Variants in TRPS1 observed in about 807,000 individuals in gnomAD.
TRPS1 encodes transcriptional repressor GATA binding 1.
TRPS1 carries 6 observed loss-of-function variants against 101.2 expected under a neutral mutation model. The observed-to-expected ratio is 0.06, with a 90% CI of 0.03 to 0.12. The LOEUF is 0.12. TRPS1 is among the 10% of genes least tolerant of loss of function. The pLI is 1.00. For synonymous variants in TRPS1, 578 were observed against 589.8 expected, an observed-to-expected ratio of 0.98 and a Z score of 0.29; for missense variants, 1,363 against 1,567.0, an observed-to-expected ratio of 0.87 and a Z score of 2.20.
intron 1 of TRPS1, among the ~76,000 whole-genome samples, chr8:115,663,268 G>A (rs1489512586): frequency 2.0e-5 from 3 of 149,600 alleles, no homozygotes; most frequent in African/African-American, 4.9e-5. Context: ...TTTTTTAAAT[G>A]GCATTTTGGC....
chr8:115,658,752 C>T lies in TRPS1; in HGVS notation c.-122+9793G>A, dbSNP rs375837705. The stretch of plus-strand genomic sequence containing the variant: ...TAAATGTACACAAATACATGTAACA[C>T]TAAATACAAATATGTGTAACACTAA... On this transcript the variant is annotated intron_variant, in intron 1 of 6. Coordinates refer to ENST00000395715, the MANE Select transcript of TRPS1 (RefSeq NM_014112.5). Among the ~76,000 whole-genome samples the T allele has an allele frequency of 3.3e-5, 5 of 152,004 alleles. No homozygotes were observed. In the East Asian group the frequency reaches 7.7e-4, roughly 24 times the overall value.
chr8:115,531,266 C>A (rs1816124824), intron 5 of TRPS1, among the ~76,000 whole-genome samples: 1 of 152,072 alleles, frequency 6.6e-6, no homozygotes, highest in Non-Finnish European at 1.5e-5. Flanking sequence ...GGCTTCCTGA[C>A]AATATTAAAC....
chr8:115,510,980 T>C (rs140448700), intron 5 of TRPS1: 66 of 152,110 alleles, frequency 4.3e-4, no homozygotes, highest in Non-Finnish European at 8.1e-4. Context: ...ATTAGTCTTA[T>C]AGTAGTTTGT....
intron 5 of TRPS1, among the ~76,000 whole-genome samples, chr8:115,540,836 T>C (rs1297110065): frequency 1.3e-5 from 2 of 151,880 alleles, no homozygotes; most frequent in Non-Finnish European, 2.9e-5. Context: ...AATATATATC[T>C]AATATATACC....
chr8:115,627,994 T>C (rs1818548666), intron 1 of TRPS1, among the ~76,000 whole-genome samples: 1 of 151,832 alleles, frequency 6.6e-6, no homozygotes, highest in East Asian at 1.9e-4. Context: ...GTATTAAAAG[T>C]GCCAAATTTA....
chr8:115,629,574 A>T (rs573113651), intron 1 of TRPS1, among the ~76,000 whole-genome samples: 1 of 152,046 alleles, frequency 6.6e-6, no homozygotes, highest in Admixed American at 6.6e-5. Flanking sequence ...TACCGTGATC[A>T]GTTTAAAACC....
intron 5 of TRPS1, among the ~76,000 whole-genome samples, chr8:115,487,523 A>C (rs1198856660): frequency 6.6e-6 from 1 of 152,208 alleles, no homozygotes; most frequent in African/African-American, 2.4e-5. Context: ...CCTTCAAAAA[A>C]GGATTCACCA....
At chr8:115,416,943 T>C (rs1202259323) in intron 6 of TRPS1, among the ~76,000 whole-genome samples, 1 of 152,202 alleles carries the variant, frequency 6.6e-6, no homozygotes, top group Non-Finnish European at 1.5e-5. Flanking sequence ...TTTTAAACTG[T>C]CATAACTTTT....
Position 115,436,929 on chromosome 8 carries a change from T to TA in TRPS1, c.2701-18478dup, listed in dbSNP as rs200253060. ...GTACCAGAAGTAAAGCAGTAAAAAA[T>TA]AAAAAAAAAGTCAATACATTTCATA... is the stretch of plus-strand genomic sequence containing the variant. On this transcript the variant is annotated intron_variant, in intron 5 of 6. Transcript: ENST00000395715. Among the ~76,000 whole-genome samples, 148 of 136,616 alleles carry TA rather than the reference T, an allele frequency of 1.1e-3. 2 individuals carry two copies. Among genetic ancestry groups the TA allele is most frequent in the Admixed American group, 9.5e-3 (132 of 13,876 alleles). 89.6% of individuals were successfully genotyped at this position (136,616 alleles called of 152,430 possible).
intron 5 of TRPS1, among the ~76,000 whole-genome samples, chr8:115,553,983 A>T (rs1816759902): frequency 6.6e-6 from 1 of 152,182 alleles, no homozygotes; most frequent in South Asian, 2.1e-4. Context: ...GTCTTTATTA[A>T]ACACTTACTT....
At chr8:115,566,969 T>C (rs1369457115) in intron 5 of TRPS1, among the ~76,000 whole-genome samples, 1 of 152,142 alleles carries the variant, frequency 6.6e-6, no homozygotes, top group Non-Finnish European at 1.5e-5. Flanking sequence ...TAATACCATA[T>C]ATGTTTGTAG....
At chr8:115,565,206 A>T (rs1214798322) in intron 5 of TRPS1, among the ~76,000 whole-genome samples, 1 of 152,136 alleles carries the variant, frequency 6.6e-6, no homozygotes, top group Non-Finnish European at 1.5e-5. Flanking sequence ...TGTTTGCTGA[A>T]AGTAGTGCTG....
intron 5 of TRPS1, among the ~76,000 whole-genome samples, chr8:115,429,105 A>G (rs1813257586): frequency 6.6e-6 from 1 of 152,198 alleles, no homozygotes; most frequent in Non-Finnish European, 1.5e-5. Flanking sequence ...ATTTTGTAAT[A>G]ACTGAAATCT....
chr8:115,668,182 C>T (rs934466300), intron 1 of TRPS1: 8 of 531,218 alleles, frequency 1.5e-5, no homozygotes, highest in South Asian at 1.1e-4. Context: ...GTTTCCAAAG[C>T]TCAGATGCCT....
intron 5 of TRPS1, among the ~76,000 whole-genome samples, chr8:115,488,629 C>T (rs1403942692): frequency 6.6e-6 from 1 of 152,068 alleles, no homozygotes. Context: ...GAGCTGAGAT[C>T]GCACCACTGC....
chr8:115,449,766 C>T (rs943153016), intron 5 of TRPS1, among the ~76,000 whole-genome samples: 1 of 152,068 alleles, frequency 6.6e-6, no homozygotes, highest in Non-Finnish European at 1.5e-5. Flanking sequence ...TTGGTAAACA[C>T]CAACTAGCTA....
At chr8:115,513,878 A>C (rs763491723) in intron 5 of TRPS1, among the ~76,000 whole-genome samples, 2 of 151,604 alleles carry the variant, frequency 1.3e-5, no homozygotes, top group Non-Finnish European at 3.0e-5. Flanking sequence ...TGTATATATA[A>C]AGAGTTGTGT....
chr8:115,625,750 A>G (rs1482807886), intron 1 of TRPS1, among the ~76,000 whole-genome samples: 4 of 151,978 alleles, frequency 2.6e-5, no homozygotes, highest in African/African-American at 9.7e-5. Flanking sequence ...GTGTGCATAT[A>G]TATGTACAGA....
At chr8:115,437,601 T>C (rs548402173) in intron 5 of TRPS1, among the ~76,000 whole-genome samples, 15 of 152,270 alleles carry the variant, frequency 9.9e-5, no homozygotes, top group African/African-American at 3.1e-4. Flanking sequence ...AAATAAATAA[T>C]TGACAAAAGT....
Sources: gnomAD v4.1 joint callset for allele counts (sites outside exome capture counted in the v4.1 genomes callset) on GRCh38, gnomAD v4.1.1 for gene constraint, MANE v1.5 for transcripts, NCBI Gene and HGNC (gene_info 2026-07-23, HGNC 2026-07-21) for gene names.